The following FBXL5 variants were observed in gnomAD, a reference collection of about 807,000 sequenced individuals.
FBXL5 encodes F-box and leucine rich repeat protein 5.
A neutral mutation model predicts 78.3 loss-of-function variants in FBXL5; 26 were observed. That is an observed-to-expected ratio of 0.33 (90% CI 0.24 to 0.46). FBXL5 has a LOEUF of 0.46. FBXL5 is among the 20% of genes least tolerant of loss of function. The pLI is 1.00. For synonymous variants in FBXL5, 295 were observed against 282.5 expected, an observed-to-expected ratio of 1.04 and a Z score of -0.45; for missense variants, 710 against 829.2, an observed-to-expected ratio of 0.86 and a Z score of 1.77.
At chr4:15,673,955 A>G (rs1181297962) in intron 1 of FBXL5, among the ~76,000 whole-genome samples, 1 of 152,210 alleles carries the variant, frequency 6.6e-6, no homozygotes, top group African/African-American at 2.4e-5. Flanking sequence ...ATTGCCTGAT[A>G]TCCAATATCT....
At chr4:15,651,303 G>C (rs551871033) in intron 1 of FBXL5, among the ~76,000 whole-genome samples, 5 of 151,896 alleles carry the variant, frequency 3.3e-5, no homozygotes, top group Admixed American at 6.6e-5. Context: ...GCTTCCGAAG[G>C]GGAAAAAAAA....
chr4:15,646,141 G>A (rs1715326099), intron 1 of FBXL5, among the ~76,000 whole-genome samples: 1 of 152,200 alleles, frequency 6.6e-6, no homozygotes, highest in Admixed American at 6.5e-5. Context: ...CTCAGCAGTT[G>A]TAGCACAAAA....
At chr4:15,627,329 T>C (rs754198088) in intron 7 of FBXL5, among the ~76,000 whole-genome samples, 5 of 152,048 alleles carry the variant, frequency 3.3e-5, no homozygotes, top group African/African-American at 7.2e-5. Flanking sequence ...GAGATGGGGT[T>C]TCACCATATT....
At chr4:15,669,654 CA>C (rs1717682957) in intron 1 of FBXL5, among the ~76,000 whole-genome samples, 1 of 152,140 alleles carries the variant, frequency 6.6e-6, no homozygotes, top group Non-Finnish European at 1.5e-5. Flanking sequence ...GAAAATGTAA[CA>C]AAACTCTGGC....
chr4:15,649,975 G>A (rs1484049824), intron 1 of FBXL5, among the ~76,000 whole-genome samples: 4 of 152,072 alleles, frequency 2.6e-5, no homozygotes, highest in Admixed American at 6.6e-5. Flanking sequence ...CATTAATAAA[G>A]CTATCTTTTC....
chr4:15,680,428 T>C (rs1484471150), intron 1 of FBXL5, among the ~76,000 whole-genome samples: 1 of 152,208 alleles, frequency 6.6e-6, no homozygotes, highest in African/African-American at 2.4e-5. Context: ...CCCAGCACTT[T>C]GGGAGGCCCA....
At position 15,636,647 on chromosome 4, in the gene FBXL5, T is replaced by C. The variant is rs202123802; in HGVS notation, c.613A>G (p.Ile205Val). ...EAEVSEHSTG[I>V]THLPPEVMLS... ...ATTACCTCAGGAGGAAGATGGGTTA[T>C]ACCTGTGGAGTGTTCTGACACTTCT... Residue 205 changes from isoleucine to valine, a missense_variant, in exon 5 of 11, where the codon ATA becomes GTA. Ile to Val is a conservative substitution (Grantham distance 29). Around this residue, in one of 4 missense-constraint regions of FBXL5, gnomAD observed 517 missense variants for 542.9 expected, o/e 0.95. Coordinates refer to ENST00000341285, the MANE Select transcript of FBXL5 (RefSeq NM_012161.4). The C allele has an allele frequency of 3.7e-6, 6 of 1,613,272 alleles. No individual in the cohort carries two copies. The Admixed American group carries it at 6.7e-5, about 18-fold the overall frequency.
rs773503282 is a variant in FBXL5, at chr4:15,640,894, A to G, written c.301-11T>C. ...CTGTTCATATTCATTCTGGAAACCA[A>G]AAAAAAAATACATTTTTATAAAAGT... is the stretch of plus-strand genomic sequence containing the variant. On this transcript the variant is annotated splice_polypyrimidine_tract_variant and intron_variant, in intron 2 of 10. Transcript: ENST00000341285. The G allele has an allele frequency of 9.3e-6, 12 of 1,297,078 alleles. No homozygotes were observed. In the African/African-American group the frequency reaches 1.6e-4, roughly 17 times the overall value. 80.3% of individuals were successfully genotyped at this position (1,297,078 alleles called of 1,614,324 possible).
At chr4:15,663,177 A>G (rs1032488311), upstream of FBXL5, among the ~76,000 whole-genome samples, 3 of 152,200 alleles carry the variant, frequency 2.0e-5, no homozygotes, top group African/African-American at 7.2e-5. Context: ...ATACCATAAT[A>G]TTTGTATGAT....
At chr4:15,644,138 A>G (rs1329688634) in intron 2 of FBXL5, among the ~76,000 whole-genome samples, 1 of 152,210 alleles carries the variant, frequency 6.6e-6, no homozygotes, top group Non-Finnish European at 1.5e-5. Context: ...TGATCCTTCA[A>G]TATGTTACTA....
chr4:15,644,504 T>A lies in FBXL5; in HGVS notation c.289A>T (p.Lys97Ter). 1 of 1,611,144 alleles carries A rather than the reference T, an allele frequency of 6.2e-7. No homozygotes were observed. Among genetic ancestry groups the A allele is most frequent in the Non-Finnish European group, 8.5e-7 (1 of 1,177,470 alleles). ...TTTTTGCAACTTACCTTAACATTCTTCAGTCCCTTTTCAAAGAGGCTAAGC... is the reference window on the plus strand; with the variant it reads ...TTTTTGCAACTTACCTTAACATTCTACAGTCCCTTTTCAAAGAGGCTAAGC... Reference protein sequence around the residue: ...EMLSLFEKGLKNVKNEYEQLN... With the variant: ...EMLSLFEKGL The change falls in exon 2 of 11, where the codon AAG (lysine) becomes TAG (stop). Residue 97 changes from lysine (K) to a stop codon, truncating the protein, a stop_gained. Coordinates refer to ENST00000341285, the MANE Select transcript of FBXL5 (RefSeq NM_012161.4). LOFTEE classifies it high-confidence loss of function.
At chr4:15,674,330 A>G (rs368850913) in intron 1 of FBXL5, among the ~76,000 whole-genome samples, 12 of 152,142 alleles carry the variant, frequency 7.9e-5, no homozygotes, top group Middle Eastern at 3.4e-3. Context: ...TTAATTCTTA[A>G]CCCATAAAAA....
rs762195587 is a variant in FBXL5, at chr4:15,644,660, G to C, written c.133C>G (p.Gln45Glu). ...TCCTTGAAAGTAGCATACAAAGACTGCAGAAGAGCACGGAAATCGTTGTTG... is the reference window on the plus strand; with the variant it reads ...TCCTTGAAAGTAGCATACAAAGACTCCAGAAGAGCACGGAAATCGTTGTTG... Reference protein sequence around the residue: ...SNNNDFRALLQSLYATFKEFK... With the variant: ...SNNNDFRALLESLYATFKEFK... Residue 45 changes from glutamine (Q) to glutamate (E), a missense_variant, in exon 2 of 11, where the codon CAG becomes GAG. Physicochemically the swap from Gln to Glu is conservative, Grantham distance 29 (BLOSUM62 2). Coordinates refer to ENST00000341285, the MANE Select transcript of FBXL5 (RefSeq NM_012161.4). The C allele has an allele frequency of 3.7e-6, 6 of 1,613,246 alleles. No homozygotes were observed. In the South Asian group the frequency reaches 6.6e-5, roughly 18 times the overall value.
At chr4:15,627,213 C>T (rs1315960256) in intron 7 of FBXL5, among the ~76,000 whole-genome samples, 1 of 146,186 alleles carries the variant, frequency 6.8e-6, no homozygotes, top group East Asian at 2.0e-4. Flanking sequence ...TGGCTCACTG[C>T]AACCTCCGCC....
chr4:15,620,361 G>A (rs565383128), intron 9 of FBXL5, among the ~76,000 whole-genome samples: 45 of 151,588 alleles, frequency 3.0e-4, no homozygotes, highest in African/African-American at 1.1e-3. Flanking sequence ...TACCCAAAGG[G>A]ATCTACACAT....
intron 1 of FBXL5, among the ~76,000 whole-genome samples, chr4:15,670,683 GTTTTC>G (rs1717726364): frequency 6.9e-6 from 1 of 145,854 alleles, no homozygotes; most frequent in Non-Finnish European, 1.5e-5. Flanking sequence ...GTTATTTTTG[GTTTTC>G]TTTTATAACC....
intron 9 of FBXL5, among the ~76,000 whole-genome samples, chr4:15,612,925 T>C (rs935357845): frequency 6.6e-6 from 1 of 152,182 alleles, no homozygotes; most frequent in Non-Finnish European, 1.5e-5. Flanking sequence ...GCATTATTCA[T>C]AACAGTTAGA....
intron 1 of FBXL5, among the ~76,000 whole-genome samples, chr4:15,670,914 CTTTTTTTTTTTTTTTTT>C (rs57312794): frequency 6.3e-4 from 34 of 54,144 alleles, no homozygotes; most frequent in Non-Finnish European, 8.5e-4. Flanking sequence ...TGTGCGTAGA[CTTTTTTTTTTTTTTTTT>C]TTTTTTTTTT....
intron 9 of FBXL5, among the ~76,000 whole-genome samples, chr4:15,624,103 C>T (rs1012084940): frequency 6.6e-6 from 1 of 152,028 alleles, no homozygotes; most frequent in Non-Finnish European, 1.5e-5. Flanking sequence ...GGATTACAGA[C>T]GTGAGCCACC....
Sources: allele counts gnomAD v4.1 joint callset (sites outside exome capture counted in the v4.1 genomes callset), GRCh38; gene constraint gnomAD v4.1.1; regional missense constraint gnomAD v4.1.1; transcripts MANE v1.5; gene names NCBI Gene and HGNC (gene_info 2026-07-23, HGNC 2026-07-21).